RAB40B: variants seen among roughly 807,000 people sequenced by gnomAD.
RAB40B encodes the protein RAB40B, member RAS oncogene family.
RAB40B carries 21 observed loss-of-function variants against 24.0 expected under a neutral mutation model. The observed-to-expected ratio is 0.88, with a 90% CI of 0.62 to 1.26. The LOEUF is 1.26. Among genes scored for constraint, RAB40B ranks in the 50% most tolerant of loss-of-function variants. The probability of loss-of-function intolerance (pLI) is 0.00; values close to 1 mark genes in which losing one functional copy is unlikely to be tolerated. For synonymous variants in RAB40B, 167 were observed against 169.8 expected (o/e 0.98, Z 0.13); for missense variants, 348 against 390.5 (o/e 0.89, Z 0.92).
Position 82,659,260 on chromosome 17 carries a change from C to T in RAB40B, c.342+320G>A, listed in dbSNP as rs921893710. 35 of 361,092 alleles carry T rather than the reference C, an allele frequency of 9.7e-5. No individual in the cohort carries two copies. The Middle Eastern group carries it at 2.4e-3, about 25-fold the overall frequency. The allele number at this position is 361,092 out of a possible 1,614,324, so 22.4% of individuals were successfully genotyped here. ...TCTGCGTGCCAGCAGGCACAAGCGCCGGTCACTGCTGGTCAGCCCAGCCCG... is the reference window on the plus strand; with the variant it reads ...TCTGCGTGCCAGCAGGCACAAGCGCTGGTCACTGCTGGTCAGCCCAGCCCG... On this transcript the variant is annotated intron_variant, in intron 4 of 5. Transcript: ENST00000571995.
At chr17:82,684,566 T>C (rs530544456) in intron 1 of RAB40B, among the ~76,000 whole-genome samples, 2 of 152,310 alleles carry the variant, frequency 1.3e-5, no homozygotes, top group East Asian at 3.9e-4. Context: ...GGTGATGGAC[T>C]GTGGTTCATC....
intron 1 of RAB40B, among the ~76,000 whole-genome samples, chr17:82,674,294 G>A (rs916086028): frequency 1.1e-4 from 17 of 151,356 alleles, no homozygotes; most frequent in East Asian, 2.0e-4. Context: ...AGCCAAGATC[G>A]CGCCATTGCA....
In RAB40B at chr17:82,657,790, C is replaced by T; in HGVS notation, c.*73G>A. On this transcript the variant is annotated 3_prime_UTR_variant, in exon 6 of 6. Coordinates refer to ENST00000571995, the MANE Select transcript of RAB40B (RefSeq NM_006822.3). ...CCGAGAGGAACCGGGATCTGAGATG[C>T]ATCCACCAGCTGCCGGGGGTAACGC... 2 of 1,533,664 alleles carry T rather than the reference C, an allele frequency of 1.3e-6. No individual in the cohort carries two copies. The highest frequency in any genetic ancestry group is 1.8e-6 in the Non-Finnish European group (2 of 1,107,378).
chr17:82,661,232 C>G (rs780547736), intron 2 of RAB40B, 185 bp from the exon 3 acceptor site: 94 of 1,371,642 alleles, frequency 6.9e-5, no homozygotes, highest in Non-Finnish European at 8.6e-5. Context: ...GGGATGTCCT[C>G]CCAGGCTCAT....
chr17:82,695,022 ATG>A (rs2046594284), intron 1 of RAB40B, among the ~76,000 whole-genome samples: 1 of 151,806 alleles, frequency 6.6e-6, no homozygotes. Context: ...CTGTATTTAA[ATG>A]TTGAATTGAT....
At chr17:82,672,337 C>T (rs2046349982) in intron 1 of RAB40B, among the ~76,000 whole-genome samples, 1 of 137,048 alleles carries the variant, frequency 7.3e-6, no homozygotes, top group Non-Finnish European at 1.7e-5. Context: ...GTAACTCTAA[C>T]ACACACACTC....
intron 1 of RAB40B, among the ~76,000 whole-genome samples, chr17:82,690,597 T>G (rs888627562): frequency 3.4e-5 from 5 of 147,706 alleles, no homozygotes; most frequent in African/African-American, 1.3e-4. Context: ...TGCACGTGTG[T>G]CCAGGGGAAG....
At chr17:82,660,612 TGCACACACGTGCACACACACAC>T (rs1269588912) in intron 3 of RAB40B, among the ~76,000 whole-genome samples, 1 of 139,670 alleles carries the variant, frequency 7.2e-6, no homozygotes, top group Admixed American at 7.2e-5. Flanking sequence ...TGCACATACC[TGCACACACGTGCACACACACAC>T]GCACAGGCAC....
At chr17:82,662,180 C>T in intron 2 of RAB40B, 2 of 985,414 alleles carry the variant, frequency 2.0e-6, no homozygotes, top group Non-Finnish European at 2.4e-6. Context: ...GGGCCTGGGG[C>T]TCCAGAGGGG....
Position 82,663,938 on chromosome 17 carries a change from T to C in RAB40B, c.203+558A>G, listed in dbSNP as rs2046209523. Among the ~76,000 whole-genome samples the C allele has an allele frequency of 3.3e-5, 5 of 151,872 alleles. No individual in the cohort carries two copies. Among genetic ancestry groups the C allele is most frequent in the Admixed American group, 3.3e-4 (5 of 15,266 alleles). On this transcript the variant is annotated intron_variant, in intron 2 of 5. Coordinates refer to ENST00000571995, the MANE Select transcript of RAB40B (RefSeq NM_006822.3). This position sits in a 1 kb window ranked among gnomAD's most constrained non-coding sequence, Gnocchi z 6.2. ...ACCACCACCTCCTTCAGAGAAGCCC[T>C]GGTGCAGCTGGGGCTGGGGGTGCTC...
rs538665172 is a variant in RAB40B, at chr17:82,674,504, T to C, written c.143-9948A>G. Among the ~76,000 whole-genome samples, 41 of 145,086 alleles carry C rather than the reference T, an allele frequency of 2.8e-4. No homozygotes were observed. In the South Asian group the frequency reaches 7.2e-3, roughly 25 times the overall value. ...AAAAAAAAAAATTAGCCGGGTGTGG[T>C]GGCGGGCACCTGTAGTCCCAGCTAC... On this transcript the variant is annotated intron_variant, in intron 1 of 5. Coordinates refer to ENST00000571995, the MANE Select transcript of RAB40B (RefSeq NM_006822.3).
chr17:82,685,866 C>T (rs941035704), intron 1 of RAB40B, among the ~76,000 whole-genome samples: 2 of 150,722 alleles, frequency 1.3e-5, no homozygotes, highest in African/African-American at 2.4e-5. Context: ...TGCGATGGTG[C>T]GATCTCAGCT....
At chr17:82,671,108 G>C (rs1413412496) in intron 1 of RAB40B, among the ~76,000 whole-genome samples, 1 of 151,840 alleles carries the variant, frequency 6.6e-6, no homozygotes, top group Non-Finnish European at 1.5e-5. Flanking sequence ...AGATGAAAAT[G>C]TAGCTCTCGG....
At chr17:82,666,044 A>ACACCTGCCACCG (rs1432979755) in intron 1 of RAB40B, among the ~76,000 whole-genome samples, 3 of 97,126 alleles carry the variant, frequency 3.1e-5, no homozygotes, top group Admixed American at 1.2e-4. Context: ...ACCTGCCACC[A>ACACCTGCCACCG]CACCTGCCAC....
intron 5 of RAB40B, 147 bp from the exon 6 acceptor site, chr17:82,658,281 G>T: frequency 8.4e-7 from 1 of 1,188,272 alleles, no homozygotes; most frequent in Non-Finnish European, 1.2e-6. Flanking sequence ...CTGCCGCGAC[G>T]TCCCCTCTGC....
At chr17:82,688,147 C>G (rs1335885168) in intron 1 of RAB40B, among the ~76,000 whole-genome samples, 1 of 152,046 alleles carries the variant, frequency 6.6e-6, no homozygotes, top group African/African-American at 2.4e-5. Context: ...TCTCTGCCAG[C>G]CGGGGCCCAA....
rs545488122 is a variant in RAB40B at position 82,682,058 on chromosome 17, A to C, written c.142+16397T>G. Reference sequence around the variant, plus strand: ...GCAATAAGGCAACAAAAAGAAAGAAAAGGCATGCAGATTAAAACCATCTCG... The same window carrying C: ...GCAATAAGGCAACAAAAAGAAAGAACAGGCATGCAGATTAAAACCATCTCG... On this transcript the variant is annotated intron_variant, in intron 1 of 5. Coordinates refer to ENST00000571995, the MANE Select transcript of RAB40B (RefSeq NM_006822.3). 1.0e-3 allele frequency among the ~76,000 whole-genome samples: 152 copies of C among 152,234 alleles called. 1 individual carries two copies. The highest frequency in any genetic ancestry group is 3.4e-3 in the African/African-American group (142 of 41,536).
chr17:82,662,515 T>C, intron 2 of RAB40B: 2 of 984,708 alleles, frequency 2.0e-6, no homozygotes, highest in East Asian at 1.1e-4. Context: ...CCCCAGTGGG[T>C]GTGGGGAGGG....
intron 1 of RAB40B, among the ~76,000 whole-genome samples, chr17:82,673,232 GTTGTTTACTCA>G (rs1294687692): frequency 1.3e-5 from 2 of 152,064 alleles, no homozygotes; most frequent in African/African-American, 2.4e-5. Flanking sequence ...ATGTTTACTT[GTTGTTTACTCA>G]TTGTTTACTT....
Sources: gnomAD v4.1 joint callset for allele counts (sites outside exome capture counted in the v4.1 genomes callset) on GRCh38, gnomAD v4.1.1 for gene constraint, Gnocchi (gnomAD v3.1) non-coding constraint, MANE v1.5 for transcripts, NCBI Gene and HGNC (gene_info 2026-07-23, HGNC 2026-07-21) for gene names.